YWHAB: variants seen among roughly 807,000 people sequenced by gnomAD.
YWHAB encodes the protein 14-3-3 protein beta/alpha.
Under a neutral mutation model 28.5 loss-of-function variants are expected in YWHAB, and 2 were observed. That is an observed-to-expected ratio of 0.07 (90% confidence interval 0.03 to 0.22). The LOEUF is 0.22. Ranked by LOEUF, YWHAB falls within the 10% of genes least tolerant of loss-of-function variation. The pLI is 1.00. For missense variants in YWHAB, 148 were observed against 297.1 expected (o/e 0.50, Z 3.69); for synonymous variants, 103 against 104.7 (o/e 0.98, Z 0.10).
At chr20:44,899,351 G>A (rs1568931620) in intron 1 of YWHAB, among the ~76,000 whole-genome samples, 1 of 152,082 alleles carries the variant, frequency 6.6e-6, no homozygotes, top group Admixed American at 6.6e-5. Context: ...ATGGTGGCAC[G>A]TGCCTGTAAT....
rs2066654311 is a variant in YWHAB at position 44,906,111 on chromosome 20, C to T, written c.684+15C>T. 6.3e-7 allele frequency: 1 copy of T among 1,589,886 alleles called. No individual in the cohort carries two copies. The highest frequency in any genetic ancestry group is 1.3e-5 in the African/African-American group (1 of 74,354). ...ACAATCTCACTGTAAGTACTACTTCCACAGGGTTTATAGTCTCTTTCCTAT... is the reference window on the plus strand; with the variant it reads ...ACAATCTCACTGTAAGTACTACTTCTACAGGGTTTATAGTCTCTTTCCTAT... On this transcript the variant is annotated intron_variant, in intron 5 of 5. Coordinates refer to ENST00000353703, the MANE Select transcript of YWHAB (RefSeq NM_139323.4).
chr20:44,886,497 A>G (rs912968269), intron 1 of YWHAB: 1 of 152,218 alleles, frequency 6.6e-6, no homozygotes, highest in African/African-American at 2.4e-5. Context: ...GGTTTGAATC[A>G]AGAAAATCTG....
chr20:44,906,502 GA>G lies in YWHAB; in HGVS notation c.*65del. 10 of 583,228 alleles carry G rather than the reference GA, an allele frequency of 1.7e-5. No homozygotes were observed. The highest frequency in any genetic ancestry group is 2.3e-5 in the Non-Finnish European group (10 of 434,430). The allele number at this position is 583,228 out of a possible 1,614,324, so 36.1% of individuals were successfully genotyped here. On this transcript the variant is annotated 3_prime_UTR_variant, in exon 6 of 6. Coordinates refer to ENST00000353703, the MANE Select transcript of YWHAB (RefSeq NM_139323.4). The stretch of plus-strand genomic sequence containing the variant: ...TACCCTCAACATATATCCCTTGTGC[GA>G]TAAAAAAAAAAAAAAAAAAAAAAAG...
At chr20:44,897,721 A>C (rs2145532323) in intron 1 of YWHAB, among the ~76,000 whole-genome samples, 1 of 152,252 alleles carries the variant, frequency 6.6e-6, no homozygotes, top group South Asian at 2.1e-4. Context: ...GTGTATCTGG[A>C]ACCTGCAGAT....
intron 2 of YWHAB, chr20:44,902,109 A>G (rs978836557): frequency 6.2e-6 from 2 of 322,966 alleles, no homozygotes; most frequent in Non-Finnish European, 1.1e-5. Context: ...ATCTTTTAAA[A>G]TTGAGGCCAG....
At chr20:44,888,055 TA>T in intron 1 of YWHAB, among the ~76,000 whole-genome samples, 1 of 152,370 alleles carries the variant, frequency 6.6e-6, no homozygotes, top group Admixed American at 6.5e-5. Flanking sequence ...TTTTCTCGTC[TA>T]TATAGCACAA....
chr20:44,898,878 AG>A (rs937806481), intron 1 of YWHAB, among the ~76,000 whole-genome samples: 4 of 151,678 alleles, frequency 2.6e-5, no homozygotes, highest in African/African-American at 9.7e-5. Context: ...GCACTTTGGG[AG>A]GCCGAGGCAG....
chr20:44,899,239 G>C (rs2066613035), intron 1 of YWHAB, among the ~76,000 whole-genome samples: 1 of 152,258 alleles, frequency 6.6e-6, no homozygotes, highest in African/African-American at 2.4e-5. Flanking sequence ...AGCACTTTGG[G>C]AGGCCAAGGC....
chr20:44,901,915 C>T (rs2066629556), intron 2 of YWHAB, 82 bp downstream of exon 2: 1 of 1,414,600 alleles, frequency 7.1e-7, no homozygotes, highest in Non-Finnish European at 9.4e-7. Context: ...CTCAAAACAG[C>T]TTATGAGAGA....
chr20:44,887,626 TC>T (rs1026768915), intron 1 of YWHAB: 2 of 152,172 alleles, frequency 1.3e-5, no homozygotes, highest in African/African-American at 4.8e-5. Flanking sequence ...CTGAGCAAAT[TC>T]CCATGATGCT....
intron 1 of YWHAB, among the ~76,000 whole-genome samples, chr20:44,891,094 A>C (rs771094855): frequency 6.6e-6 from 1 of 151,546 alleles, no homozygotes; most frequent in Non-Finnish European, 1.5e-5. Context: ...TTTACTCCTT[A>C]CAGGAACCCT....
intron 3 of YWHAB, 65 bp downstream of exon 3, chr20:44,904,181 T>C (rs1183993794): frequency 6.3e-7 from 1 of 1,593,118 alleles, no homozygotes; most frequent in East Asian, 2.2e-5. Flanking sequence ...ACAGGGACTT[T>C]TTAACGATTT....
Position 44,893,481 on chromosome 20 carries a change from TTA to T in YWHAB, c.-4+7597_-4+7598del, listed in dbSNP as rs2066575769. On this transcript the variant is annotated intron_variant, in intron 1 of 5. Coordinates refer to ENST00000353703, the MANE Select transcript of YWHAB (RefSeq NM_139323.4). ...ATAGGAAAATGAGGATATAATAATG[TTA>T]TTACCCAGAGACAGAACCAGTGTTA... Among the ~76,000 whole-genome samples, 10 of 152,242 alleles carry T rather than the reference TTA, an allele frequency of 6.6e-5. No individual in the cohort carries two copies. In the South Asian group the frequency reaches 2.1e-3, roughly 32 times the overall value.
intron 3 of YWHAB, 102 bp from the exon 4 acceptor site, chr20:44,904,866 C>T: frequency 8.3e-7 from 1 of 1,199,990 alleles, no homozygotes; most frequent in Non-Finnish European, 1.1e-6. Context: ...TAGGTCATTG[C>T]TCCTGCCCAG....
At chr20:44,896,351 G>A (rs1030779352) in intron 1 of YWHAB, among the ~76,000 whole-genome samples, 2 of 152,052 alleles carry the variant, frequency 1.3e-5, no homozygotes, top group African/African-American at 4.8e-5. Context: ...TGGAAGGGAT[G>A]GTATCTGAGC....
intron 1 of YWHAB, among the ~76,000 whole-genome samples, chr20:44,889,156 C>T (rs1969547173): frequency 6.6e-6 from 1 of 152,128 alleles, no homozygotes; most frequent in East Asian, 1.9e-4. Context: ...ATAATAGCAA[C>T]CTTTAAGCTT....
chr20:44,895,354 A>G (rs1232981806), intron 1 of YWHAB, among the ~76,000 whole-genome samples: 1 of 152,218 alleles, frequency 6.6e-6, no homozygotes, highest in Non-Finnish European at 1.5e-5. Context: ...TAAAGAGGAG[A>G]CAATTTATCA....
chr20:44,895,767 G>A (rs1601091804), intron 1 of YWHAB, among the ~76,000 whole-genome samples: 1 of 152,170 alleles, frequency 6.6e-6, no homozygotes, highest in African/African-American at 2.4e-5. Flanking sequence ...ATGCCTGACT[G>A]GAAGAGTGAA....
rs948049137 is a variant in YWHAB, at chr20:44,907,320, C to T, written c.*882C>T. ...GAGTCAGGCGTGGTGGTGCGTGCATCTAGTCCCAACTATTTGGGAGGCTGA... is the reference window on the plus strand; with the variant it reads ...GAGTCAGGCGTGGTGGTGCGTGCATTTAGTCCCAACTATTTGGGAGGCTGA... On this transcript the variant is annotated 3_prime_UTR_variant, in exon 6 of 6. Transcript: ENST00000353703. The T allele has an allele frequency of 6.6e-6, 1 of 152,346 alleles. No homozygotes were observed. The highest frequency in any genetic ancestry group is 1.5e-5 in the Non-Finnish European group (1 of 68,060). The allele number at this position is 152,346 out of a possible 1,614,324, so 9.4% of individuals were successfully genotyped here. A position where few individuals can be genotyped will look rare whatever the true frequency, so the allele number is the denominator to read the frequency against.
Sources: gnomAD v4.1 joint callset for allele counts (sites outside exome capture counted in the v4.1 genomes callset) on GRCh38, gnomAD v4.1.1 for gene constraint, MANE v1.5 for transcripts, NCBI Gene and HGNC (gene_info 2026-07-23, HGNC 2026-07-21) for gene names.